The following BCKDHB variants were observed in gnomAD, a reference collection of about 807,000 sequenced individuals.
The protein encoded by BCKDHB is branched chain keto acid dehydrogenase E1 subunit beta, also known as 2-oxoisovalerate dehydrogenase subunit beta, mitochondrial.
A neutral mutation model predicts 48.5 loss-of-function variants in BCKDHB; 41 were observed. The ratio of observed to expected loss-of-function variants is 0.85; its 90% CI spans 0.66 to 1.10. The LOEUF (loss-of-function observed/expected upper bound fraction) is 1.10, where lower values mean the gene tolerates loss of function less well. Ranked by LOEUF, BCKDHB falls within the 50% of genes least tolerant of loss-of-function variation. The pLI is 0.00. For synonymous variants in BCKDHB, 201 were observed against 174.8 expected, an observed-to-expected ratio of 1.15 and a Z score of -1.18; for missense variants, 496 against 494.2, an observed-to-expected ratio of 1.00 and a Z score of -0.03.
At chr6:80,302,910 A>T (rs938096718) in intron 9 of BCKDHB, among the ~76,000 whole-genome samples, 3 of 152,174 alleles carry the variant, frequency 2.0e-5, no homozygotes, top group African/African-American at 7.2e-5. Flanking sequence ...TTTATTGGAA[A>T]ACTCAGATCT....
the BCKDHB span, among the ~76,000 whole-genome samples, chr6:80,425,029 T>G: frequency 6.6e-6 from 1 of 152,148 alleles, no homozygotes; most frequent in African/African-American, 2.4e-5. Context: ...TGGCCAAAAT[T>G]ATAGATGACT....
the BCKDHB span, among the ~76,000 whole-genome samples, chr6:80,436,331 C>T: frequency 6.6e-6 from 1 of 151,144 alleles, no homozygotes; most frequent in Admixed American, 6.6e-5. Context: ...GCTAATTTTG[C>T]TTTTGTATTT....
rs1247256311 is a variant in BCKDHB, at chr6:80,332,716, A to AC, written c.1039-10948_1039-10947insC. Among the ~76,000 whole-genome samples the AC allele has an allele frequency of 1.1e-4, 17 of 151,486 alleles. No homozygotes were observed. In the East Asian group the frequency reaches 2.7e-3, roughly 24 times the overall value. Reference sequence around the variant, plus strand: ...TTTTTACCCTTATAGTAAAAAAAAAAAAAAAACACCTTCAAACTTACATCC... The same window carrying AC: ...TTTTTACCCTTATAGTAAAAAAAAAACAAAAAACACCTTCAAACTTACATCC... On this transcript the variant is annotated intron_variant, in intron 9 of 9. Transcript: ENST00000320393.
chr6:80,197,755 G>A (rs1016613865), intron 6 of BCKDHB, among the ~76,000 whole-genome samples: 4 of 152,200 alleles, frequency 2.6e-5, no homozygotes. Context: ...AAGACTTGAT[G>A]ATGGCAAAGA....
chr6:80,446,584 C>G, the BCKDHB span, among the ~76,000 whole-genome samples: 1 of 152,028 alleles, frequency 6.6e-6, no homozygotes. Flanking sequence ...CCTCCTACTC[C>G]AGTAATAAGC....
Position 80,291,966 on chromosome 6 carries a change from T to C in BCKDHB, c.1038+18745T>C, listed in dbSNP as rs75951134. 3.5e-4 allele frequency among the ~76,000 whole-genome samples: 54 copies of C among 152,334 alleles called. No individual in the cohort carries two copies. The East Asian group carries it at 9.7e-3, about 27-fold the overall frequency. The stretch of plus-strand genomic sequence containing the variant: ...GGAACTCTGTTCCATGAAAGGAATC[T>C]TAGATAAGACTTCTTAAAAGCTGAG... On this transcript the variant is annotated intron_variant, in intron 9 of 9. Transcript: ENST00000320393.
At chr6:80,368,897 C>A in the BCKDHB span, among the ~76,000 whole-genome samples, 1 of 151,808 alleles carries the variant, frequency 6.6e-6, no homozygotes, top group South Asian at 2.1e-4. Flanking sequence ...CCTGTAGTCC[C>A]AGCTACTTGG....
the BCKDHB span, among the ~76,000 whole-genome samples, chr6:80,391,223 A>T: frequency 1.3e-5 from 2 of 151,576 alleles, no homozygotes; most frequent in Admixed American, 1.3e-4. Flanking sequence ...GTTCCTCTAG[A>T]GAACCCTAAT....
chr6:80,133,868 C>G (rs1770752269), intron 3 of BCKDHB, among the ~76,000 whole-genome samples: 1 of 152,094 alleles, frequency 6.6e-6, no homozygotes, highest in Non-Finnish European at 1.5e-5. Flanking sequence ...GTCTCGAACT[C>G]CTGACCTCAG....
chr6:80,304,350 C>T (rs1767743036), intron 9 of BCKDHB, among the ~76,000 whole-genome samples: 1 of 152,058 alleles, frequency 6.6e-6, no homozygotes, highest in Non-Finnish European at 1.5e-5. Flanking sequence ...GTTTGCAATA[C>T]ATTTTTATTC....
chr6:80,403,526 A>T, the BCKDHB span, among the ~76,000 whole-genome samples: 5 of 151,978 alleles, frequency 3.3e-5, no homozygotes, highest in Non-Finnish European at 5.9e-5. Flanking sequence ...ATCTACAAAC[A>T]GAGGGAGTTT....
chr6:80,116,514 G>T (rs1769712050), intron 1 of BCKDHB, among the ~76,000 whole-genome samples: 1 of 152,192 alleles, frequency 6.6e-6, no homozygotes, highest in African/African-American at 2.4e-5. Flanking sequence ...TCCTCTTGGA[G>T]CTTATGTTCC....
intron 6 of BCKDHB, among the ~76,000 whole-genome samples, chr6:80,185,127 A>G (rs1773582954): frequency 6.6e-6 from 1 of 151,866 alleles, no homozygotes; most frequent in African/African-American, 2.4e-5. Flanking sequence ...GGCTTTGTTC[A>G]TTTTTCTTTG....
the BCKDHB span, among the ~76,000 whole-genome samples, chr6:80,407,289 T>G: frequency 1.3e-5 from 2 of 152,316 alleles, no homozygotes; most frequent in South Asian, 4.1e-4. Flanking sequence ...TCAGGTAGCA[T>G]GATACCTCCA....
chr6:80,185,585 G>A (rs1773604863), intron 6 of BCKDHB, among the ~76,000 whole-genome samples: 1 of 152,184 alleles, frequency 6.6e-6, no homozygotes, highest in African/African-American at 2.4e-5. Flanking sequence ...AAGGGCTGCT[G>A]TTCAGATTCT....
At chr6:80,190,924 G>C (rs958311525) in intron 6 of BCKDHB, among the ~76,000 whole-genome samples, 52 of 152,132 alleles carry the variant, frequency 3.4e-4, no homozygotes, top group African/African-American at 1.3e-3. Flanking sequence ...TGCAGTGACC[G>C]TTGTTCCACA....
chr6:80,399,513 A>C, the BCKDHB span, among the ~76,000 whole-genome samples: 1 of 151,512 alleles, frequency 6.6e-6, no homozygotes, highest in African/African-American at 2.4e-5. Context: ...CACAAAAAAT[A>C]AACTACCTAA....
intron 9 of BCKDHB, among the ~76,000 whole-genome samples, chr6:80,290,739 T>G (rs1365097041): frequency 6.6e-6 from 1 of 152,186 alleles, no homozygotes; most frequent in African/African-American, 2.4e-5. Flanking sequence ...AGCAAGTTTA[T>G]TAAGAAAGTA....
At chr6:80,208,214 G>A (rs1774758290) in intron 8 of BCKDHB, among the ~76,000 whole-genome samples, 1 of 151,724 alleles carries the variant, frequency 6.6e-6, no homozygotes, top group South Asian at 2.1e-4. Context: ...TACAAATTAA[G>A]TACCTTACTC....
Sources: gnomAD v4.1 joint callset for allele counts (sites outside exome capture counted in the v4.1 genomes callset) on GRCh38, gnomAD v4.1.1 for gene constraint, MANE v1.5 for transcripts, NCBI Gene and HGNC (gene_info 2026-07-23, HGNC 2026-07-21) for gene names.